Variants in ERC2 observed in about 807,000 individuals in gnomAD.
ERC2 encodes ERC protein 2.
ERC2 carries 42 observed loss-of-function variants against 114.8 expected under a neutral mutation model. The ratio of observed to expected loss-of-function variants is 0.37; its 90% CI spans 0.29 to 0.47. The LOEUF is 0.47. Ranked by LOEUF, ERC2 falls within the 20% of genes least tolerant of loss-of-function variation. The pLI, the probability that ERC2 is intolerant of heterozygous loss-of-function variation, is 0.99. For missense variants in ERC2, 939 were observed against 1,150.7 expected (o/e 0.82, Z 2.66); for synonymous variants, 454 against 425.5 (o/e 1.07, Z -0.82).
chr3:55,765,699 C>T (rs537919323), intron 14 of ERC2, among the ~76,000 whole-genome samples: 5 of 152,128 alleles, frequency 3.3e-5, no homozygotes, highest in East Asian at 1.9e-4. Context: ...CATGCAGATA[C>T]GATATTAATA....
chr3:56,110,035 A>T (rs953045314), intron 6 of ERC2, among the ~76,000 whole-genome samples: 2 of 152,224 alleles, frequency 1.3e-5, no homozygotes, highest in Non-Finnish European at 2.9e-5. Flanking sequence ...ATGAGATTAC[A>T]CTAGACAAGA....
intron 3 of ERC2, among the ~76,000 whole-genome samples, chr3:56,269,940 G>A (rs1316378756): frequency 6.6e-6 from 1 of 152,100 alleles, no homozygotes; most frequent in Non-Finnish European, 1.5e-5. Context: ...ATCAGTTAAT[G>A]AAGCACTGCA....
At chr3:56,252,447 AT>A (rs1304483062) in intron 3 of ERC2, among the ~76,000 whole-genome samples, 1 of 152,152 alleles carries the variant, frequency 6.6e-6, no homozygotes, top group Non-Finnish European at 1.5e-5. Flanking sequence ...TACGCATAAA[AT>A]AATAGCTTTA....
intron 2 of ERC2, among the ~76,000 whole-genome samples, chr3:56,421,057 T>C (rs1441972459): frequency 6.6e-6 from 1 of 152,162 alleles, no homozygotes; most frequent in Non-Finnish European, 1.5e-5. Context: ...TTGGTCAATA[T>C]AACTTCCAGA....
At chr3:55,515,315 T>A (rs2052412227) in intron 17 of ERC2, among the ~76,000 whole-genome samples, 1 of 109,470 alleles carries the variant, frequency 9.1e-6, no homozygotes, top group South Asian at 2.7e-4. Context: ...TAGAATATTA[T>A]TAATATTTAT....
chr3:56,250,939 CA>C (rs1380997263), intron 3 of ERC2, among the ~76,000 whole-genome samples: 1 of 152,128 alleles, frequency 6.6e-6, no homozygotes, highest in Non-Finnish European at 1.5e-5. Flanking sequence ...TGCCTAATAG[CA>C]AACTATGTTG....
intron 3 of ERC2, among the ~76,000 whole-genome samples, chr3:56,284,109 T>A (rs1403680444): frequency 1.3e-5 from 2 of 152,200 alleles, no homozygotes; most frequent in African/African-American, 2.4e-5. Flanking sequence ...CAAAGATATA[T>A]GCAGGGTAAA....
At chr3:56,298,548 T>C (rs1297061604) in intron 2 of ERC2, among the ~76,000 whole-genome samples, 1 of 152,168 alleles carries the variant, frequency 6.6e-6, no homozygotes, top group African/African-American at 2.4e-5. Context: ...AGGAATGAAG[T>C]GCTGACATAC....
intron 17 of ERC2, among the ~76,000 whole-genome samples, chr3:55,680,405 T>C (rs1334390480): frequency 1.3e-5 from 2 of 152,196 alleles, no homozygotes; most frequent in Non-Finnish European, 2.9e-5. Context: ...GCCTACCTCA[T>C]TGATGTTCGC....
At chr3:55,727,473 C>A (rs1263877632) in intron 15 of ERC2, among the ~76,000 whole-genome samples, 1 of 152,086 alleles carries the variant, frequency 6.6e-6, no homozygotes, top group Non-Finnish European at 1.5e-5. Context: ...TTTAATGCAA[C>A]AAGTAGCAGA....
chr3:56,466,446 A>T (rs1559540529), intron 1 of ERC2, among the ~76,000 whole-genome samples: 1 of 152,206 alleles, frequency 6.6e-6, no homozygotes, highest in Non-Finnish European at 1.5e-5. Flanking sequence ...CACCCGTGAA[A>T]GTCTTGCTGG....
At chr3:56,329,293 A>G (rs2057501278) in intron 2 of ERC2, among the ~76,000 whole-genome samples, 1 of 152,190 alleles carries the variant, frequency 6.6e-6, no homozygotes, top group African/African-American at 2.4e-5. Flanking sequence ...TGTTGAGAAC[A>G]GTGCACGAAA....
At chr3:56,465,136 C>T (rs942638144) in intron 1 of ERC2, among the ~76,000 whole-genome samples, 1 of 152,226 alleles carries the variant, frequency 6.6e-6, no homozygotes, top group East Asian at 1.9e-4. Flanking sequence ...TGGTGGTTCA[C>T]ACCTGTAATG....
intron 14 of ERC2, among the ~76,000 whole-genome samples, chr3:55,759,170 C>T (rs2067248954): frequency 1.3e-5 from 2 of 152,132 alleles, no homozygotes; most frequent in South Asian, 2.1e-4. Flanking sequence ...TCCAACAGAG[C>T]ATAAATTAAA....
At chr3:56,425,909 G>A (rs544895651) in intron 2 of ERC2, among the ~76,000 whole-genome samples, 6 of 152,158 alleles carry the variant, frequency 3.9e-5, no homozygotes, top group Non-Finnish European at 2.9e-5. Context: ...TGCTGTTGGT[G>A]CAATTTCTCA....
intron 2 of ERC2, among the ~76,000 whole-genome samples, chr3:56,326,259 A>G (rs1306290886): frequency 6.6e-6 from 1 of 152,230 alleles, no homozygotes; most frequent in African/African-American, 2.4e-5. Flanking sequence ...AGCACAGTGG[A>G]CACACAGGAA....
At chr3:55,949,056 G>A (rs73086151) in intron 13 of ERC2, among the ~76,000 whole-genome samples, 43,433 of 151,976 alleles carry the variant, frequency 0.29, 7,402 homozygotes, top group Non-Finnish European at 0.35. Context: ...GAGCCCTAAG[G>A]TCAGGTCGTC....
rs574283793 is a variant in ERC2, at chr3:55,779,406, C to T, written c.2565-44488G>A. ...ATCCCAACTACTCAGGAGGCTGAGG[C>T]GGGAGAATCACTTAAATCCAGGAGG... On this transcript the variant is annotated intron_variant, in intron 14 of 17. Transcript: ENST00000288221. 2.2e-4 allele frequency among the ~76,000 whole-genome samples: 33 copies of T among 148,438 alleles called. 1 individual carries two copies. Among genetic ancestry groups the T allele is most frequent in the Admixed American group, 4.7e-4 (7 of 14,862 alleles).
intron 2 of ERC2, among the ~76,000 whole-genome samples, chr3:56,302,284 G>A (rs1361600970): frequency 6.6e-6 from 1 of 152,070 alleles, no homozygotes; most frequent in Non-Finnish European, 1.5e-5. Flanking sequence ...TAGGAACTTT[G>A]ACAACTGTAC....
Sources: gnomAD v4.1 joint callset for allele counts (sites outside exome capture counted in the v4.1 genomes callset) on GRCh38, gnomAD v4.1.1 for gene constraint, MANE v1.5 for transcripts, NCBI Gene and HGNC (gene_info 2026-07-23, HGNC 2026-07-21) for gene names.